SLBP: variants seen among roughly 807,000 people sequenced by gnomAD.
The protein encoded by SLBP is histone RNA hairpin-binding protein.
A neutral mutation model predicts 39.2 loss-of-function variants in SLBP; 29 were observed. The ratio of observed to expected loss-of-function variants is 0.74; its 90% CI spans 0.55 to 1.01. The LOEUF (loss-of-function observed/expected upper bound fraction) is 1.01, where lower values mean the gene tolerates loss of function less well. SLBP is among the 50% of genes least tolerant of loss of function. The pLI, the probability that SLBP is intolerant of heterozygous loss-of-function variation, is 0.00. For synonymous variants in SLBP, 129 were observed against 118.7 expected (o/e 1.09, Z -0.57); for missense variants, 390 against 350.2 (o/e 1.11, Z -0.91).
rs369353670 is a variant in SLBP at position 1,694,856 on chromosome 4, C to G, written c.630-16G>C. 25 of 1,597,440 alleles carry G rather than the reference C, an allele frequency of 1.6e-5. No individual in the cohort carries two copies. Among genetic ancestry groups the G allele is most frequent in the Non-Finnish European group, 2.0e-5 (23 of 1,164,960 alleles). On this transcript the variant is annotated splice_polypyrimidine_tract_variant and intron_variant, in intron 6 of 7. Coordinates refer to ENST00000489418, the MANE Select transcript of SLBP (RefSeq NM_006527.4). ...TACAGGGTGTCTGTTAAACAAGATC[C>G]AACATGTGCGTCAGGCACTAACTTA...
chr4:1,700,716 C>T (rs1041427667), intron 3 of SLBP, among the ~76,000 whole-genome samples: 1 of 152,200 alleles, frequency 6.6e-6, no homozygotes, highest in Non-Finnish European at 1.5e-5. Flanking sequence ...AGTGCCGCCA[C>T]AACCATCTCC....
At chr4:1,709,370 A>C (rs922629377) in intron 2 of SLBP, among the ~76,000 whole-genome samples, 4 of 152,210 alleles carry the variant, frequency 2.6e-5, no homozygotes, top group Admixed American at 2.6e-4. Flanking sequence ...AATTGCCATC[A>C]TGTTCCCATG....
intron 4 of SLBP, 79 bp downstream of exon 4, chr4:1,699,932 T>G: frequency 1.9e-6 from 2 of 1,060,370 alleles, no homozygotes; most frequent in Non-Finnish European, 2.8e-6. Flanking sequence ...CAGTCAGCAT[T>G]TCTGACAGTC....
chr4:1,712,293 GT>G lies in SLBP; in HGVS notation c.-106del, dbSNP rs1212597021. The G allele has an allele frequency of 1.5e-6, 1 of 685,044 alleles. No homozygotes were observed. The highest frequency in any genetic ancestry group is 2.1e-6 in the Non-Finnish European group (1 of 475,200). 42.4% of individuals were successfully genotyped at this position (685,044 alleles called of 1,614,324 possible). A position where few individuals can be genotyped will look rare whatever the true frequency, so the allele number is the denominator to read the frequency against. ...GGCAGGGCCTGAGGCAGAAACCCGC[GT>G]CCCCGCGCCGGCGCTCACGAGCTCT... On this transcript the variant is annotated 5_prime_UTR_variant, in exon 1 of 8. Transcript: ENST00000489418.
chr4:1,703,224 G>A (rs181282581), intron 3 of SLBP, among the ~76,000 whole-genome samples: 58 of 133,032 alleles, frequency 4.4e-4, no homozygotes, highest in Admixed American at 7.9e-4. Context: ...GCAACAGAGC[G>A]AGACTGTCTC....
chr4:1,704,516 G>A (rs558721902), intron 2 of SLBP, among the ~76,000 whole-genome samples: 6 of 151,980 alleles, frequency 3.9e-5, no homozygotes, highest in Admixed American at 6.6e-5. Context: ...TCATAAAACC[G>A]ACCACCAAAG....
chr4:1,699,834 G>T, intron 4 of SLBP, 133 bp from the exon 5 acceptor site: 1 of 892,296 alleles, frequency 1.1e-6, no homozygotes, highest in Non-Finnish European at 1.7e-6. Context: ...ATCCTAAATA[G>T]TCCGGAGACT....
chr4:1,696,751 A>C (rs1470831249), intron 5 of SLBP, among the ~76,000 whole-genome samples: 1 of 151,882 alleles, frequency 6.6e-6, no homozygotes, highest in Non-Finnish European at 1.5e-5. Flanking sequence ...TGCAAAAATT[A>C]GCCGGGCGTG....
rs905466687 is a variant in SLBP, at chr4:1,704,308, A to G, written c.177-608T>C. On this transcript the variant is annotated intron_variant, in intron 2 of 7. Transcript: ENST00000489418. ...AAACCCATATCTAGTTTTCAGCTTC[A>G]GTTCTGGCATTTCTATGGGTTAACC... Among the ~76,000 whole-genome samples the G allele has an allele frequency of 3.3e-5, 5 of 152,166 alleles. 1 individual carries two copies. Among genetic ancestry groups the G allele is most frequent in the Admixed American group, 3.3e-4 (5 of 15,278 alleles).
chr4:1,703,882 T>C (rs1215355575), intron 2 of SLBP, among the ~76,000 whole-genome samples, 182 bp from the exon 3 acceptor site: 2 of 152,162 alleles, frequency 1.3e-5, no homozygotes, highest in Non-Finnish European at 2.9e-5. Flanking sequence ...ATGGGCAAGA[T>C]AGTGAGACCT....
At chr4:1,701,890 G>C in intron 3 of SLBP, among the ~76,000 whole-genome samples, 1 of 152,180 alleles carries the variant, frequency 6.6e-6, no homozygotes, top group Non-Finnish European at 1.5e-5. Flanking sequence ...CTGGGAAACA[G>C]AGCAAGACTC....
At position 1,712,257 on chromosome 4, in the gene SLBP, G is replaced by A. The variant is rs887862521; in HGVS notation, c.-69C>T. Reference sequence around the variant, plus strand: ...GGCGGCGGCGCGGGCAGAGAGCGCAGAGTAGAGCAGGGCAGGGCCTGAGGC... The same window carrying A: ...GGCGGCGGCGCGGGCAGAGAGCGCAAAGTAGAGCAGGGCAGGGCCTGAGGC... On this transcript the variant is annotated 5_prime_UTR_variant, in exon 1 of 8. Transcript: ENST00000489418. The A allele has an allele frequency of 1.9e-5, 19 of 1,003,388 alleles. No individual in the cohort carries two copies. Among genetic ancestry groups the A allele is most frequent in the East Asian group, 7.5e-5 (2 of 26,634 alleles). The allele number at this position is 1,003,388 out of a possible 1,614,324, so 62.2% of individuals were successfully genotyped here. A position where few individuals can be genotyped will look rare whatever the true frequency, so the allele number is the denominator to read the frequency against.
At chr4:1,708,142 A>G (rs945913340) in intron 2 of SLBP, among the ~76,000 whole-genome samples, 4 of 151,412 alleles carry the variant, frequency 2.6e-5, no homozygotes, top group Admixed American at 2.0e-4. Flanking sequence ...AGTCCCAGCT[A>G]CTTGGAGGCT....
rs531869655 is a variant in SLBP, at chr4:1,712,312, C to A, written c.-124G>T. The A allele has an allele frequency of 7.5e-6, 4 of 534,302 alleles. No homozygotes were observed. Among genetic ancestry groups the A allele is most frequent in the Non-Finnish European group, 8.8e-6 (3 of 342,588 alleles). The allele number at this position is 534,302 out of a possible 1,614,324, so 33.1% of individuals were successfully genotyped here. On this transcript the variant is annotated 5_prime_UTR_variant, in exon 1 of 8. Coordinates refer to ENST00000489418, the MANE Select transcript of SLBP (RefSeq NM_006527.4). Reference sequence around the variant, plus strand: ...ACCCGCGTCCCCGCGCCGGCGCTCACGAGCTCTGCGCGCCCCGCCCCCAAC... The same window carrying A: ...ACCCGCGTCCCCGCGCCGGCGCTCAAGAGCTCTGCGCGCCCCGCCCCCAAC...
At chr4:1,704,676 T>G (rs1214569777) in intron 2 of SLBP, among the ~76,000 whole-genome samples, 1 of 152,208 alleles carries the variant, frequency 6.6e-6, no homozygotes, top group African/African-American at 2.4e-5. Flanking sequence ...GCTGTCATAC[T>G]GAGAAGGCTC....
rs764541823 is a variant in SLBP, at chr4:1,702,519, A to G, written c.281+1077T>C. Among the ~76,000 whole-genome samples the G allele has an allele frequency of 6.2e-4, 94 of 152,362 alleles. 4 individuals carry two copies. The highest frequency in any genetic ancestry group is 6.8e-3 in the Middle Eastern group (2 of 294). On this transcript the variant is annotated intron_variant, in intron 3 of 7. Transcript: ENST00000489418. Reference sequence around the variant, plus strand: ...CATTTTTCTTGAGACCCTGTTTATCAGCCACTTGTTGGCTAAAATTATCTT... The same window carrying G: ...CATTTTTCTTGAGACCCTGTTTATCGGCCACTTGTTGGCTAAAATTATCTT...
At chr4:1,693,833 TTCACG>T in intron 7 of SLBP, 120 bp from the exon 8 acceptor site, 1 of 680,622 alleles carries the variant, frequency 1.5e-6, no homozygotes, top group Non-Finnish European at 2.6e-6. Context: ...AGGTGTACAC[TTCACG>T]TGCAACTGAG....
intron 2 of SLBP, among the ~76,000 whole-genome samples, chr4:1,706,235 G>A (rs559365309): frequency 1.3e-5 from 2 of 151,992 alleles, no homozygotes; most frequent in South Asian, 2.1e-4. Context: ...GCAGTGAGCC[G>A]AAATTGCACC....
chr4:1,707,409 G>A (rs1030106860), intron 2 of SLBP, among the ~76,000 whole-genome samples: 13 of 151,252 alleles, frequency 8.6e-5, no homozygotes, highest in Admixed American at 7.9e-4. Context: ...GGGAGGCTAA[G>A]GCAGGAGAAT....
Sources: gnomAD v4.1 joint callset for allele counts (sites outside exome capture counted in the v4.1 genomes callset) on GRCh38, gnomAD v4.1.1 for gene constraint, MANE v1.5 for transcripts, NCBI Gene and HGNC (gene_info 2026-07-23, HGNC 2026-07-21) for gene names.